Variants in PKP4 observed in about 807,000 individuals in gnomAD.
PKP4 encodes plakophilin-4.
PKP4 carries 90 observed loss-of-function variants against 145.1 expected under a neutral mutation model. That is an observed-to-expected ratio of 0.62 (90% confidence interval 0.52 to 0.74). The LOEUF (loss-of-function observed/expected upper bound fraction) is 0.74. Among genes scored for constraint, PKP4 ranks in the 30% least tolerant of loss-of-function variants. The pLI, the probability that PKP4 is intolerant of heterozygous loss-of-function variation, is 0.00. For missense variants in PKP4, 1,340 were observed against 1,482.7 expected (o/e 0.90, Z 1.58); for synonymous variants, 563 against 577.2 (o/e 0.98, Z 0.35).
chr2:158,647,244 C>T (rs996503491), intron 11 of PKP4, among the ~76,000 whole-genome samples: 6 of 152,160 alleles, frequency 3.9e-5, no homozygotes, highest in Admixed American at 2.6e-4. Context: ...TTTGTAGGTA[C>T]GGTCCACACA....
chr2:158,556,523 C>CTT lies in PKP4; in HGVS notation c.133-20734_133-20733dup, dbSNP rs11378372. ...AATGAAGCATTGTGGCTCTTTCTCT[C>CTT]TTTTTTTTTTTTTTTAACTTGTACT... On this transcript the variant is annotated intron_variant, in intron 2 of 21. Transcript: ENST00000389759. Among the ~76,000 whole-genome samples, 387 of 144,308 alleles carry CTT rather than the reference C, an allele frequency of 2.7e-3. 1 individual carries two copies. The highest frequency in any genetic ancestry group is 0.012 in the South Asian group (56 of 4,566). 94.7% of individuals were successfully genotyped at this position (144,308 alleles called of 152,430 possible).
At chr2:158,540,305 A>G (rs2044404708) in intron 2 of PKP4, among the ~76,000 whole-genome samples, 1 of 152,236 alleles carries the variant, frequency 6.6e-6, no homozygotes, top group African/African-American at 2.4e-5. Context: ...CTGTTCACAC[A>G]TAACTGGATC....
chr2:158,521,484 A>G (rs901746610), intron 1 of PKP4, among the ~76,000 whole-genome samples: 2 of 152,218 alleles, frequency 1.3e-5, no homozygotes, highest in Non-Finnish European at 2.9e-5. Context: ...TTGAACTACT[A>G]TGCTGTTTGG....
intron 2 of PKP4, among the ~76,000 whole-genome samples, chr2:158,565,435 C>CTTTTTTTT (rs10690465): frequency 2.2e-5 from 3 of 135,764 alleles, no homozygotes; most frequent in Non-Finnish European, 3.1e-5. Flanking sequence ...TTCTTTTTTC[C>CTTTTTTTT]TTTTTTTTTT....
chr2:158,614,510 A>G (rs12694966), intron 4 of PKP4, among the ~76,000 whole-genome samples: 94,336 of 151,996 alleles, frequency 0.62, 29,861 homozygotes, highest in East Asian at 0.84. Flanking sequence ...ATTTTATTAA[A>G]TGAATTTTTA....
chr2:158,577,430 C>A, intron 3 of PKP4, 47 bp downstream of exon 3: 1 of 1,184,774 alleles, frequency 8.4e-7, no homozygotes, highest in South Asian at 1.3e-5. Flanking sequence ...AGTTACATGC[C>A]TTACTAGGTT....
intron 9 of PKP4, among the ~76,000 whole-genome samples, chr2:158,635,905 G>A (rs1574892707): frequency 7.9e-6 from 1 of 127,072 alleles, no homozygotes; most frequent in East Asian, 2.8e-4. Context: ...TTTTAGTTTT[G>A]AAAATAGCAA....
At chr2:158,598,201 G>A (rs556351232) in intron 3 of PKP4, among the ~76,000 whole-genome samples, 2 of 152,264 alleles carry the variant, frequency 1.3e-5, no homozygotes, top group South Asian at 4.1e-4. Flanking sequence ...TTCTTTTTCA[G>A]AAAGGAGTAA....
chr2:158,662,615 G>A, intron 13 of PKP4: 1 of 255,922 alleles, frequency 3.9e-6, no homozygotes, highest in Non-Finnish European at 7.5e-6. Flanking sequence ...AGTCTGCACG[G>A]CAGCAGCCCT....
At chr2:158,586,902 G>A (rs1417098783) in intron 3 of PKP4, among the ~76,000 whole-genome samples, 2 of 152,196 alleles carry the variant, frequency 1.3e-5, no homozygotes, top group African/African-American at 4.8e-5. Flanking sequence ...CCTAGGACAT[G>A]TGACCCCAAG....
rs2051160003 is a variant in PKP4, at chr2:158,611,661, A to G, written c.280+8557A>G. 1.3e-5 allele frequency among the ~76,000 whole-genome samples: 2 copies of G among 152,226 alleles called. 1 individual carries two copies. The highest frequency in any genetic ancestry group is 1.3e-4 in the Admixed American group (2 of 15,282). ...ACTGAATTTATAAAGGAGATACAGT[A>G]GGAAGTGAGTGTTGTATTGTACATG... On this transcript the variant is annotated intron_variant, in intron 4 of 21. Coordinates refer to ENST00000389759, the MANE Select transcript of PKP4 (RefSeq NM_003628.6).
At chr2:158,538,309 A>G (rs1405675097) in intron 2 of PKP4, among the ~76,000 whole-genome samples, 1 of 152,200 alleles carries the variant, frequency 6.6e-6, no homozygotes, top group African/African-American at 2.4e-5. Context: ...TAATGATTCC[A>G]ATATGATCTC....
At chr2:158,488,450 T>C (rs1405310626) in intron 1 of PKP4, among the ~76,000 whole-genome samples, 2 of 152,198 alleles carry the variant, frequency 1.3e-5, no homozygotes, top group African/African-American at 2.4e-5. Flanking sequence ...TCTTTTTTTA[T>C]GTTTATTATG....
chr2:158,482,504 T>C (rs1693514763), intron 1 of PKP4, among the ~76,000 whole-genome samples: 1 of 151,934 alleles, frequency 6.6e-6, no homozygotes, highest in African/African-American at 2.4e-5. Flanking sequence ...ATTTCATTTA[T>C]GTTTTAACCC....
intron 4 of PKP4, among the ~76,000 whole-genome samples, chr2:158,606,837 C>T (rs1259049593): frequency 1.3e-5 from 2 of 152,100 alleles, no homozygotes; most frequent in African/African-American, 4.8e-5. Context: ...CTCTTAAGAA[C>T]TTCAGGTTTA....
At chr2:158,603,542 G>A (rs1045859906) in intron 4 of PKP4, among the ~76,000 whole-genome samples, 1 of 152,022 alleles carries the variant, frequency 6.6e-6, no homozygotes, top group African/African-American at 2.4e-5. Flanking sequence ...ACATAGTGTG[G>A]TAGCTTTCCA....
At chr2:158,635,353 CT>C (rs1340691846) in intron 9 of PKP4, among the ~76,000 whole-genome samples, 2 of 152,102 alleles carry the variant, frequency 1.3e-5, no homozygotes, top group Non-Finnish European at 2.9e-5. Flanking sequence ...GGTTTGCCAC[CT>C]TTTTGTCATT....
intron 4 of PKP4, among the ~76,000 whole-genome samples, chr2:158,618,828 T>C (rs1367004689): frequency 6.6e-6 from 1 of 152,194 alleles, no homozygotes; most frequent in Non-Finnish European, 1.5e-5. Flanking sequence ...TGAAAAATGT[T>C]GAGACCCTGA....
In PKP4 at chr2:158,680,415, C is replaced by A. The variant is rs1449999407; in HGVS notation, c.3331-14C>A. 6.4e-7 allele frequency: 1 copy of A among 1,559,548 alleles called. No individual in the cohort carries two copies. Among genetic ancestry groups the A allele is most frequent in the Non-Finnish European group, 8.7e-7 (1 of 1,153,814 alleles). On this transcript the variant is annotated splice_polypyrimidine_tract_variant and intron_variant, in intron 21 of 21. Coordinates refer to ENST00000389759, the MANE Select transcript of PKP4 (RefSeq NM_003628.6). ...AATTGCTTTTATTTATTTGCCTTTT[C>A]ATTTTGTCAACAGCATCAACAGCTG...
Sources: allele counts gnomAD v4.1 joint callset (sites outside exome capture counted in the v4.1 genomes callset), GRCh38; gene constraint gnomAD v4.1.1; transcripts MANE v1.5; gene names NCBI Gene and HGNC (gene_info 2026-07-23, HGNC 2026-07-21).